MEGF11: variants seen among roughly 807,000 people sequenced by gnomAD.
MEGF11 encodes multiple EGF like domains 11.
Under a neutral mutation model 146.6 loss-of-function variants are expected in MEGF11, and 126 were observed. That is an observed-to-expected ratio of 0.86 (90% CI 0.74 to 1.00). The LOEUF (loss-of-function observed/expected upper bound fraction) is 1.00, where lower values mean the gene tolerates loss of function less well. Ranked by LOEUF, MEGF11 falls within the 50% of genes least tolerant of loss-of-function variation. The pLI, the probability that MEGF11 is intolerant of heterozygous loss-of-function variation, is 0.00. For synonymous variants in MEGF11, 532 were observed against 583.4 expected, an observed-to-expected ratio of 0.91 and a Z score of 1.27; for missense variants, 1,509 against 1,521.2, an observed-to-expected ratio of 0.99 and a Z score of 0.13.
Position 65,897,834 on chromosome 15 carries a change from G to C in MEGF11, c.*100C>G. Reference sequence around the variant, plus strand: ...AGGTGAACGTAATAACTAACATGCAGCTGGAGCCAGTCTGTACCATTACTT... The same window carrying C: ...AGGTGAACGTAATAACTAACATGCACCTGGAGCCAGTCTGTACCATTACTT... On this transcript the variant is annotated 3_prime_UTR_variant, in exon 26 of 26. Coordinates refer to ENST00000395614, the MANE Select transcript of MEGF11 (RefSeq NM_001385028.1). The C allele has an allele frequency of 1.8e-6, 2 of 1,111,988 alleles. No individual in the cohort carries two copies. The highest frequency in any genetic ancestry group is 1.8e-5 in the South Asian group (1 of 54,078). 68.9% of individuals were successfully genotyped at this position (1,111,988 alleles called of 1,614,324 possible).
chr15:66,042,914 TCA>T (rs907858981), intron 5 of MEGF11, among the ~76,000 whole-genome samples: 38 of 152,106 alleles, frequency 2.5e-4, no homozygotes, highest in Non-Finnish European at 4.9e-4. Flanking sequence ...ATAAGGTCGG[TCA>T]CATTCAGGCA....
intron 5 of MEGF11, among the ~76,000 whole-genome samples, chr15:66,056,124 A>G (rs1244723596): frequency 6.6e-6 from 1 of 152,050 alleles, no homozygotes; most frequent in Non-Finnish European, 1.5e-5. Flanking sequence ...CTGTACTTTA[A>G]CGAGGCTCCC....
At chr15:66,070,741 G>A (rs2085330278) in intron 5 of MEGF11, among the ~76,000 whole-genome samples, 1 of 152,182 alleles carries the variant, frequency 6.6e-6, no homozygotes. Flanking sequence ...CTCCTCATCT[G>A]TGGAATGGGA....
chr15:66,134,913 C>T (rs1201224335), intron 1 of MEGF11, among the ~76,000 whole-genome samples: 2 of 152,228 alleles, frequency 1.3e-5, no homozygotes, highest in Non-Finnish European at 2.9e-5. Flanking sequence ...AGGTGACTTG[C>T]TCAAAGACAC....
intron 1 of MEGF11, among the ~76,000 whole-genome samples, chr15:66,130,791 G>T (rs759750396): frequency 2.1e-5 from 3 of 143,128 alleles, no homozygotes; most frequent in Non-Finnish European, 4.6e-5. Context: ...TCACTCAGGC[G>T]CAGTGAAGAA....
intron 17 of MEGF11, 97 bp downstream of exon 17, chr15:65,916,731 A>C (rs1443805336): frequency 7.8e-6 from 12 of 1,547,320 alleles, no homozygotes; most frequent in Non-Finnish European, 1.0e-5. Context: ...GGCTGCCTGC[A>C]TTCCTCCCTC....
chr15:65,970,715 A>G, intron 7 of MEGF11, 26 bp from the exon 8 acceptor site: 3 of 1,593,992 alleles, frequency 1.9e-6, no homozygotes, highest in Non-Finnish European at 2.6e-6. Context: ...GAAGACATGC[A>G]TGGCGGTGCT....
chr15:66,052,150 C>CATT (rs1173953234), intron 5 of MEGF11, among the ~76,000 whole-genome samples: 4 of 152,206 alleles, frequency 2.6e-5, no homozygotes, highest in Non-Finnish European at 5.9e-5. Flanking sequence ...CAAAGAGAGG[C>CATT]ATTAGCCTTC....
At chr15:66,200,562 C>T (rs531994982) in intron 1 of MEGF11, among the ~76,000 whole-genome samples, 5 of 152,286 alleles carry the variant, frequency 3.3e-5, no homozygotes, top group East Asian at 3.9e-4. Context: ...TCCCTCCCCC[C>T]GCCTTAGTTC....
rs375051217 is a variant in MEGF11, at chr15:66,023,682, GTGCAGAAGAAAAGCCAC to G, written c.395-41211_395-41195del. Among the ~76,000 whole-genome samples, 736 of 152,346 alleles carry G rather than the reference GTGCAGAAGAAAAGCCAC, an allele frequency of 4.8e-3. 8 individuals are homozygous for G. Among genetic ancestry groups the G allele is most frequent in the African/African-American group, 0.017 (697 of 41,586 alleles). ...GTGGGGTCGGCGTGCCCATGAGTGTGTGCAGAAGAAAAGCCACTGAATCAATGGGCTGGATTACAGAC... is the reference window on the plus strand; with the variant it reads ...GTGGGGTCGGCGTGCCCATGAGTGTGTGAATCAATGGGCTGGATTACAGAC... On this transcript the variant is annotated intron_variant, in intron 5 of 25. Transcript: ENST00000395614.
chr15:66,237,736 A>T (rs534720588), intron 1 of MEGF11, among the ~76,000 whole-genome samples: 1 of 152,352 alleles, frequency 6.6e-6, no homozygotes, highest in South Asian at 2.1e-4. Context: ...TCTGCCACAC[A>T]GCAGGCACTT....
At chr15:66,229,849 C>T (rs184493473) in intron 1 of MEGF11, among the ~76,000 whole-genome samples, 6 of 152,256 alleles carry the variant, frequency 3.9e-5, no homozygotes, top group Admixed American at 2.6e-4. Context: ...TGAGGGGACC[C>T]CATTGGGCAA....
intron 5 of MEGF11, among the ~76,000 whole-genome samples, chr15:66,073,200 C>T (rs1015670556): frequency 6.6e-6 from 1 of 152,042 alleles, no homozygotes; most frequent in Non-Finnish European, 1.5e-5. Flanking sequence ...TGTGAGGTGG[C>T]GAGGCCTCTG....
chr15:65,979,532 G>T (rs1364789702), intron 7 of MEGF11, among the ~76,000 whole-genome samples: 1 of 152,148 alleles, frequency 6.6e-6, no homozygotes, highest in African/African-American at 2.4e-5. Context: ...GGACTGTGTC[G>T]CTGAGCTTCC....
chr15:66,016,480 T>TG (rs1491534305), intron 5 of MEGF11, among the ~76,000 whole-genome samples: 1 of 1,594 alleles, frequency 6.3e-4, no homozygotes, highest in Admixed American at 0.012. Flanking sequence ...ATCCATTCAG[T>TG]TTTTTTTTTT....
chr15:65,941,649 T>C (rs2079995724), intron 10 of MEGF11, among the ~76,000 whole-genome samples: 1 of 152,228 alleles, frequency 6.6e-6, no homozygotes, highest in Admixed American at 6.5e-5. Flanking sequence ...TTTCTAACCA[T>C]TCTCTTTCCT....
intron 5 of MEGF11, among the ~76,000 whole-genome samples, chr15:66,073,543 T>C (rs2085455887): frequency 6.6e-6 from 1 of 152,244 alleles, no homozygotes; most frequent in African/African-American, 2.4e-5. Context: ...CGTCTCTTCT[T>C]TCCCATCTCC....
intron 1 of MEGF11, among the ~76,000 whole-genome samples, chr15:66,238,968 G>A (rs748566323): frequency 1.3e-5 from 2 of 152,182 alleles, no homozygotes; most frequent in Admixed American, 6.5e-5. Context: ...ATTGCTCACT[G>A]CTGTACGCCC....
At chr15:65,976,404 ACCTT>A (rs1036405453) in intron 7 of MEGF11, among the ~76,000 whole-genome samples, 5 of 152,254 alleles carry the variant, frequency 3.3e-5, no homozygotes, top group African/African-American at 1.2e-4. Flanking sequence ...TGGAAACAGG[ACCTT>A]TACATAGGTA....
Sources: gnomAD v4.1 joint callset for allele counts (sites outside exome capture counted in the v4.1 genomes callset) on GRCh38, gnomAD v4.1.1 for gene constraint, MANE v1.5 for transcripts, NCBI Gene and HGNC (gene_info 2026-07-23, HGNC 2026-07-21) for gene names.